IQSEC1: variants seen among roughly 807,000 people sequenced by gnomAD.
The protein encoded by IQSEC1 is IQ motif and Sec7 domain ArfGEF 1, also known as IQ motif and SEC7 domain-containing protein 1.
Under a neutral mutation model 91.0 loss-of-function variants are expected in IQSEC1, and 31 were observed. That is an observed-to-expected ratio of 0.34 (90% confidence interval 0.26 to 0.46). IQSEC1 has a LOEUF of 0.46. Among genes scored for constraint, IQSEC1 ranks in the 20% least tolerant of loss-of-function variants. The pLI is 1.00. For missense variants in IQSEC1, 1,388 were observed against 1,575.6 expected (o/e 0.88, Z 2.02); for synonymous variants, 699 against 662.6 (o/e 1.05, Z -0.84).
chr3:12,949,401 T>C (rs17037499), intron 1 of IQSEC1, among the ~76,000 whole-genome samples: 7,337 of 152,340 alleles, frequency 0.048, 228 homozygotes, highest in South Asian at 0.11. Flanking sequence ...TGAAAGCCTG[T>C]CTGTGGTTAA....
At position 12,900,468 on chromosome 3, in the gene IQSEC1, T is replaced by TA. The variant is rs1694132571; in HGVS notation, c.*514_*515insT. The TA allele has an allele frequency of 1.0e-4, 66 of 658,416 alleles. No individual in the cohort carries two copies. The highest frequency in any genetic ancestry group is 1.2e-4 in the Non-Finnish European group (63 of 534,160). 40.8% of individuals were successfully genotyped at this position (658,416 alleles called of 1,614,324 possible). A position where few individuals can be genotyped will look rare whatever the true frequency, so the allele number is the denominator to read the frequency against. On this transcript the variant is annotated 3_prime_UTR_variant, in exon 14 of 14. Transcript: ENST00000613206. The stretch of plus-strand genomic sequence containing the variant: ...CCTATACAGTATATATATATATATA[T>TA]TTATATATTTATATATTTATATAAA...
intron 2 of IQSEC1, among the ~76,000 whole-genome samples, chr3:13,133,411 G>A (rs931443274): frequency 6.6e-6 from 1 of 152,200 alleles, no homozygotes; most frequent in Non-Finnish European, 1.5e-5. Context: ...TAAGAATCCA[G>A]CCTGGATAAT....
upstream of IQSEC1, among the ~76,000 whole-genome samples, chr3:13,076,790 A>G (rs1005920571): frequency 5.9e-5 from 9 of 152,224 alleles, no homozygotes; most frequent in Non-Finnish European, 1.3e-4. Context: ...TGAAATCCTA[A>G]CTGCACAAAT....
chr3:13,160,726 G>A (rs1323723087), intron 2 of IQSEC1, among the ~76,000 whole-genome samples: 1 of 152,158 alleles, frequency 6.6e-6, no homozygotes, highest in African/African-American at 2.4e-5. Flanking sequence ...ACATGAACAT[G>A]TGCCTGTTCT....
chr3:13,180,455 C>A (rs945082440), intron 1 of IQSEC1, among the ~76,000 whole-genome samples: 8 of 152,120 alleles, frequency 5.3e-5, no homozygotes, highest in Admixed American at 2.0e-4. Flanking sequence ...CCAATCAGCG[C>A]CCTGTCAAAA....
intron 1 of IQSEC1, among the ~76,000 whole-genome samples, chr3:13,168,827 C>G (rs1307201485): frequency 1.3e-5 from 2 of 152,184 alleles, no homozygotes; most frequent in Non-Finnish European, 2.9e-5. Flanking sequence ...TGGTATCCCT[C>G]CTATCTAAAT....
intron 1 of IQSEC1, among the ~76,000 whole-genome samples, chr3:13,222,560 G>A (rs9883626): frequency 0.16 from 24,457 of 152,072 alleles, 2,584 homozygotes; most frequent in East Asian, 0.33. Flanking sequence ...CGTTTCCCAC[G>A]GCGGCTGCAC....
intron 1 of IQSEC1, among the ~76,000 whole-genome samples, chr3:13,007,934 C>A (rs1702707712): frequency 6.6e-6 from 1 of 151,932 alleles, no homozygotes; most frequent in African/African-American, 2.4e-5. Context: ...GTCACAGAAT[C>A]CCCTGTCCTG....
chr3:13,217,847 C>T (rs748999964), intron 1 of IQSEC1, among the ~76,000 whole-genome samples: 12 of 152,294 alleles, frequency 7.9e-5, no homozygotes, highest in Middle Eastern at 3.4e-3. Flanking sequence ...CACATTCTTG[C>T]TCCAGACTCT....
rs964889321 is a variant in IQSEC1, at chr3:12,898,435, T to A, written c.*2548A>T. Reference sequence around the variant, plus strand: ...GGCTCAGTGGGTTCCAGCAGTTCCTTACGCGAGGCCCTGCTGCCCAGCACA... The same window carrying A: ...GGCTCAGTGGGTTCCAGCAGTTCCTAACGCGAGGCCCTGCTGCCCAGCACA... On this transcript the variant is annotated 3_prime_UTR_variant, in exon 14 of 14. Coordinates refer to ENST00000613206, the MANE Select transcript of IQSEC1 (RefSeq NM_001134382.3). The A allele has an allele frequency of 6.6e-6, 1 of 152,220 alleles. No homozygotes were observed. Among genetic ancestry groups the A allele is most frequent in the African/African-American group, 2.4e-5 (1 of 41,454 alleles). The allele number at this position is 152,220 out of a possible 1,614,324, so 9.4% of individuals were successfully genotyped here.
At chr3:13,281,542 G>A (rs567166650) in intron 1 of IQSEC1, among the ~76,000 whole-genome samples, 2 of 151,604 alleles carry the variant, frequency 1.3e-5, no homozygotes, top group East Asian at 1.9e-4. Flanking sequence ...CACCCGCACC[G>A]CCCAGAGCCA....
intron 6 of IQSEC1, 82 bp from the exon 7 acceptor site, chr3:12,915,815 G>A (rs1289477640): frequency 1.4e-5 from 22 of 1,529,230 alleles, no homozygotes; most frequent in South Asian, 8.3e-5. Flanking sequence ...TCAGAGGAGC[G>A]AACCTTCCAC....
At chr3:13,047,608 C>A (rs1254219963) in intron 1 of IQSEC1, 1 of 637,692 alleles carries the variant, frequency 1.6e-6, no homozygotes, top group Admixed American at 6.3e-5. Flanking sequence ...CAGGCCCCAG[C>A]AGGTGGTCCC....
At chr3:13,020,166 A>C (rs1703334303) in intron 1 of IQSEC1, among the ~76,000 whole-genome samples, 1 of 152,206 alleles carries the variant, frequency 6.6e-6, no homozygotes, top group Non-Finnish European at 1.5e-5. Flanking sequence ...GGAAAAGCAC[A>C]CGGAGAGCTC....
At chr3:12,987,514 A>G (rs150704234) in intron 1 of IQSEC1, among the ~76,000 whole-genome samples, 74 of 152,388 alleles carry the variant, frequency 4.9e-4, no homozygotes, top group African/African-American at 1.7e-3. Context: ...AAAGGTGAAT[A>G]ACGAGAATCT....
intron 1 of IQSEC1, among the ~76,000 whole-genome samples, chr3:13,060,094 C>T (rs569144896): frequency 6.6e-6 from 1 of 152,324 alleles, no homozygotes; most frequent in Admixed American, 6.5e-5. Flanking sequence ...GGTATATGAC[C>T]TCTGTCCTTC....
At chr3:13,206,845 T>C (rs1038954167) in intron 1 of IQSEC1, among the ~76,000 whole-genome samples, 2 of 151,958 alleles carry the variant, frequency 1.3e-5, no homozygotes, top group African/African-American at 2.4e-5. Context: ...GGACCAATGA[T>C]GGGAGGGAGG....
intron 5 of IQSEC1, among the ~76,000 whole-genome samples, chr3:12,921,755 G>A (rs1696652624): frequency 6.6e-6 from 1 of 152,214 alleles, no homozygotes; most frequent in Non-Finnish European, 1.5e-5. Flanking sequence ...CTAGATAGAT[G>A]GACTTGTGGA....
intron 1 of IQSEC1, among the ~76,000 whole-genome samples, chr3:13,253,591 T>A (rs752778728): frequency 1.3e-5 from 2 of 152,196 alleles, no homozygotes; most frequent in Admixed American, 1.3e-4. Flanking sequence ...TGCATCAAAA[T>A]ATTAGATAAG....
Sources: allele counts gnomAD v4.1 joint callset (sites outside exome capture counted in the v4.1 genomes callset), GRCh38; gene constraint gnomAD v4.1.1; transcripts MANE v1.5; gene names NCBI Gene and HGNC (gene_info 2026-07-23, HGNC 2026-07-21).